Variants in TTC19 observed in about 807,000 individuals in gnomAD.
TTC19 encodes tetratricopeptide repeat protein 19, mitochondrial.
A neutral mutation model predicts 49.5 loss-of-function variants in TTC19; 38 were observed. The observed-to-expected ratio is 0.77, with a 90% confidence interval of 0.59 to 1.01. The LOEUF is 1.01. Among genes scored for constraint, TTC19 ranks in the 50% least tolerant of loss-of-function variants. The pLI, the probability that TTC19 is intolerant of heterozygous loss-of-function variation, is 0.00. For synonymous variants in TTC19, 204 were observed against 185.2 expected, an observed-to-expected ratio of 1.10 and a Z score of -0.83; for missense variants, 475 against 477.7, an observed-to-expected ratio of 0.99 and a Z score of 0.05.
rs745407849 is a variant in TTC19, at chr17:16,025,138, T to C, written c.798T>C (p.Ile266=). Residue 266 remains isoleucine (I), a synonymous_variant, in exon 8 of 10, where the codon ATT becomes ATC. Transcript: ENST00000261647. ...AQRMYEKALQ[I]SEEIQGERHP... ...GGATGTATGAAAAAGCTCTGCAGAT[T>C]TCTGAAGAAATACAAGGAGAAAGAC... 1.2e-6 allele frequency: 2 copies of C among 1,613,936 alleles called. No individual in the cohort carries two copies. The highest frequency in any genetic ancestry group is 4.5e-5 in the East Asian group (2 of 44,882).
chr17:16,007,049 T>A (rs1354475110), intron 7 of TTC19, among the ~76,000 whole-genome samples: 1 of 152,104 alleles, frequency 6.6e-6, no homozygotes, highest in Non-Finnish European at 1.5e-5. Context: ...CCATTTTGGG[T>A]TTCTTAATTT....
At position 16,028,239 on chromosome 17, in the gene TTC19, C is replaced by A; in HGVS notation, c.*717C>A. 1 of 454,100 alleles carries A rather than the reference C, an allele frequency of 2.2e-6. No individual in the cohort carries two copies. Among genetic ancestry groups the A allele is most frequent in the Non-Finnish European group, 4.4e-6 (1 of 226,784 alleles). The allele number at this position is 454,100 out of a possible 1,614,324, so 28.1% of individuals were successfully genotyped here. ...CTTTTGTCTGTGTTATCTGAACACT[C>A]TACTTCCTTTGCAGCCTTAGTCACA... is the stretch of plus-strand genomic sequence containing the variant. On this transcript the variant is annotated 3_prime_UTR_variant, in exon 10 of 10. Coordinates refer to ENST00000261647, the MANE Select transcript of TTC19 (RefSeq NM_017775.4).
chr17:16,043,481 A>T (rs2058106006), intron 2 of TTC19, among the ~76,000 whole-genome samples: 1 of 152,226 alleles, frequency 6.6e-6, no homozygotes, highest in African/African-American at 2.4e-5. Flanking sequence ...TGTTAAAGTT[A>T]GGTACTTGTT....
Position 16,039,780 on chromosome 17 carries a change from C to A in TTC19, c.248-4723C>A, listed in dbSNP as rs958638428. 1.5e-5 allele frequency: 12 copies of A among 826,380 alleles called. No individual in the cohort carries two copies. In the Admixed American group the frequency reaches 2.9e-4, roughly 20 times the overall value. The allele number at this position is 826,380 out of a possible 1,614,324, so 51.2% of individuals were successfully genotyped here. ...CAAGTGACCTAGAACAATACCAGGA[C>A]CCACCACACAGAGACCTTTTTTTTT... On this transcript the variant is annotated intron_variant, in intron 2 of 2. Coordinates refer to the TTC19 transcript ENST00000470649.
chr17:16,023,181 T>C (rs2151678109), intron 7 of TTC19: 1 of 152,338 alleles, frequency 6.6e-6, no homozygotes, highest in Admixed American at 6.5e-5. Flanking sequence ...TCCATTTTTC[T>C]TGTGGTCAGA....
chr17:16,024,827 G>A, intron 7 of TTC19, 190 bp from the exon 8 acceptor site: 1 of 603,680 alleles, frequency 1.7e-6, no homozygotes, highest in Non-Finnish European at 3.0e-6. Flanking sequence ...TTGATGTGCG[G>A]ACTCTTAATC....
At chr17:16,032,598 A>G (rs1217913675), downstream of TTC19, 2 of 984,100 alleles carry the variant, frequency 2.0e-6, no homozygotes, top group Non-Finnish European at 2.9e-6. Flanking sequence ...ATGTGACACC[A>G]TGAAAGCAAA....
intron 2 of TTC19, among the ~76,000 whole-genome samples, chr17:16,035,636 T>C (rs1259402917): frequency 6.6e-6 from 1 of 151,456 alleles, no homozygotes; most frequent in Admixed American, 6.6e-5. Context: ...CTCAACTTCT[T>C]GGGCTCAAGC....
chr17:16,013,818 T>G (rs1971142912), intron 7 of TTC19, among the ~76,000 whole-genome samples: 1 of 152,260 alleles, frequency 6.6e-6, no homozygotes, highest in Non-Finnish European at 1.5e-5. Flanking sequence ...GACTGAATTA[T>G]CAGATATGCA....
intron 9 of TTC19, 122 bp downstream of exon 9, chr17:16,026,824 C>T (rs1971577528): frequency 5.8e-6 from 6 of 1,036,782 alleles, no homozygotes; most frequent in Non-Finnish European, 8.9e-6. Flanking sequence ...AATTAAAAGA[C>T]TGGTTGAATG....
chr17:16,003,913 C>T, intron 5 of TTC19, 26 bp downstream of exon 5: 1 of 1,611,002 alleles, frequency 6.2e-7, no homozygotes. Flanking sequence ...AGTATTGGCC[C>T]CTCACTGAAG....
intron 6 of TTC19, among the ~76,000 whole-genome samples, chr17:16,004,860 C>T (rs1970851457): frequency 6.6e-6 from 1 of 152,194 alleles, no homozygotes; most frequent in Non-Finnish European, 1.5e-5. Context: ...TCCTACTCAC[C>T]AGCTCCTTTG....
chr17:16,043,724 G>T (rs2058148842), intron 2 of TTC19, among the ~76,000 whole-genome samples: 1 of 152,206 alleles, frequency 6.6e-6, no homozygotes, highest in African/African-American at 2.4e-5. Flanking sequence ...GCTGCTCTGA[G>T]ATCTCTAGCT....
chr17:16,036,470 C>A (rs2056393810), intron 2 of TTC19, among the ~76,000 whole-genome samples: 1 of 152,214 alleles, frequency 6.6e-6, no homozygotes, highest in Non-Finnish European at 1.5e-5. Flanking sequence ...ACAAGAGAGT[C>A]AGCCTGTCTT....
chr17:16,013,491 A>AT (rs919521945), intron 7 of TTC19, among the ~76,000 whole-genome samples: 2 of 151,862 alleles, frequency 1.3e-5, no homozygotes, highest in African/African-American at 4.8e-5. Flanking sequence ...ATAATTTTCT[A>AT]TTTTTTTCCT....
chr17:16,020,316 C>T (rs1016038365), intron 7 of TTC19, among the ~76,000 whole-genome samples: 12 of 152,180 alleles, frequency 7.9e-5, no homozygotes, highest in African/African-American at 2.9e-4. Context: ...ATTACCTGCT[C>T]TGAAAATTAT....
chr17:16,034,728 C>G, intron 2 of TTC19: 2 of 1,537,338 alleles, frequency 1.3e-6, no homozygotes, highest in Non-Finnish European at 1.8e-6. Context: ...GATATTATTG[C>G]TCTGTCTCAT....
chr17:16,012,459 A>G (rs2151660901), intron 7 of TTC19, among the ~76,000 whole-genome samples: 1 of 152,184 alleles, frequency 6.6e-6, no homozygotes, highest in East Asian at 1.9e-4. Flanking sequence ...AGCCTGGGTG[A>G]CAGAGCAAGA....
chr17:16,026,325 T>A (rs933601964), intron 8 of TTC19, among the ~76,000 whole-genome samples: 2 of 152,192 alleles, frequency 1.3e-5, no homozygotes, highest in African/African-American at 2.4e-5. Flanking sequence ...TCCAGATTTG[T>A]ATTATTTCCC....
Sources: gnomAD v4.1 joint callset for allele counts (sites outside exome capture counted in the v4.1 genomes callset) on GRCh38, gnomAD v4.1.1 for gene constraint, MANE v1.5 for transcripts, NCBI Gene and HGNC (gene_info 2026-07-23, HGNC 2026-07-21) for gene names.